TONSL: variants seen among roughly 807,000 people sequenced by gnomAD.
TONSL encodes the protein tonsoku-like protein.
Under a neutral mutation model 147.1 loss-of-function variants are expected in TONSL, and 112 were observed. That is an observed-to-expected ratio of 0.76 (90% CI 0.65 to 0.89). The LOEUF (loss-of-function observed/expected upper bound fraction) is 0.89, where lower values mean the gene tolerates loss of function less well. Among genes scored for constraint, TONSL ranks in the 40% least tolerant of loss-of-function variants. The pLI is 0.00. For missense variants in TONSL, 1,883 were observed against 1,864.6 expected (o/e 1.01, Z -0.18); for synonymous variants, 868 against 801.5 (o/e 1.08, Z -1.40).
chr8:144,434,835 T>C lies in TONSL; in HGVS notation c.3061A>G (p.Arg1021Gly), dbSNP rs753804495. The C allele has an allele frequency of 1.8e-5, 29 of 1,613,382 alleles. No individual in the cohort carries two copies. The East Asian group carries it at 5.6e-4, about 31-fold the overall frequency. The change falls in exon 20 of 26, where the codon AGG (arginine) becomes GGG (glycine). Residue 1021 changes from arginine to glycine, a missense_variant. Physicochemically the swap from Arg to Gly is moderately radical, Grantham distance 125. Transcript: ENST00000409379. ...DLPPLTDRYR[R>G]ACQSLGQGEH... Reference sequence around the variant, plus strand: ...CCTTGCCCCAGGCTCTGGCAGGCCCTGCGGTAGCGGTCAGTCAACGGGGGC... The same window carrying C: ...CCTTGCCCCAGGCTCTGGCAGGCCCCGCGGTAGCGGTCAGTCAACGGGGGC...
intron 8 of TONSL, 25 bp from the exon 9 acceptor site, chr8:144,440,895 G>C: frequency 1.9e-6 from 3 of 1,612,538 alleles, no homozygotes; most frequent in Non-Finnish European, 2.5e-6. Flanking sequence ...AGTGAGGCCA[G>C]GGGCTGCCAC....
Position 144,444,002 on chromosome 8 carries a change from C to T in TONSL, c.144G>A (p.Glu48=), listed in dbSNP as rs1823814581. 5 of 1,538,380 alleles carry T rather than the reference C, an allele frequency of 3.3e-6. No homozygotes were observed. Among genetic ancestry groups the T allele is most frequent in the Admixed American group, 2.0e-5 (1 of 50,968 alleles). Residue 48 remains glutamate (E), a synonymous_variant, in exon 3 of 26, where the codon GAG becomes GAA. Transcript: ENST00000409379. ...GAAGCTGCAGCTCCTGCCAGTGCTG[C>T]TCCAGAGCCTCGGCGTAGCGGCCTA... ...AGHGRYAEAL[E]QHWQELQLRE... is the part of the protein sequence containing the mutation.
At chr8:144,437,898 A>AC (rs1415136241) in intron 13 of TONSL, among the ~76,000 whole-genome samples, 1 of 151,966 alleles carries the variant, frequency 6.6e-6, no homozygotes, top group Non-Finnish European at 1.5e-5. Context: ...AAGCCACTGT[A>AC]CCCGGCCTGT....
At position 144,443,068 on chromosome 8, in the gene TONSL, C is replaced by T. The variant is rs1376098700; in HGVS notation, c.448+70G>A. On this transcript the variant is annotated intron_variant, in intron 4 of 25. Transcript: ENST00000409379. ...AAGACGGGATTGCCCAAGGAGGCTG[C>T]GGGGGTGCTGGGCTGCAGCCTCTTC... The T allele has an allele frequency of 1.6e-5, 24 of 1,495,202 alleles. 1 individual carries two copies. The highest frequency in any genetic ancestry group is 3.5e-4 in the Middle Eastern group (2 of 5,776). The allele number at this position is 1,495,202 out of a possible 1,614,324, so 92.6% of individuals were successfully genotyped here. A position where few individuals can be genotyped will look rare whatever the true frequency, so the allele number is the denominator to read the frequency against.
At chr8:144,435,197 C>CTGT in intron 18 of TONSL, 27 bp from the exon 19 acceptor site, 1 of 1,480,716 alleles carries the variant, frequency 6.8e-7, no homozygotes, top group South Asian at 1.3e-5. Flanking sequence ...GCTGCTGCTG[C>CTGT]TGCCTGCACA....
chr8:144,441,287 GAACT>G lies in TONSL; in HGVS notation c.866-180_866-177del, dbSNP rs551826113. ...TGGGGACTGGTCTCAAGGGTCACAAGAACTAACACACTTAAAAACTCGGGGCCAG... is the reference window on the plus strand; with the variant it reads ...TGGGGACTGGTCTCAAGGGTCACAAGAACACACTTAAAAACTCGGGGCCAG... On this transcript the variant is annotated intron_variant, in intron 7 of 25. Transcript: ENST00000409379. 2.6e-4 allele frequency: 231 copies of G among 901,486 alleles called. No individual in the cohort carries two copies. In the African/African-American group the frequency reaches 3.5e-3, roughly 14 times the overall value. The allele number at this position is 901,486 out of a possible 1,614,324, so 55.8% of individuals were successfully genotyped here.
chr8:144,433,919 T>C (rs1823325735), intron 21 of TONSL, 59 bp downstream of exon 21: 1 of 1,502,290 alleles, frequency 6.7e-7, no homozygotes, highest in Non-Finnish European at 8.9e-7. Flanking sequence ...CCCAGGGACC[T>C]GCAGAATGGG....
At chr8:144,439,535 C>T (rs1397300184) in intron 11 of TONSL, among the ~76,000 whole-genome samples, 2 of 152,310 alleles carry the variant, frequency 1.3e-5, no homozygotes, top group Admixed American at 6.5e-5. Context: ...CCCAGCTACC[C>T]GCTAACCCCG....
intron 16 of TONSL, 48 bp downstream of exon 16, chr8:144,436,510 T>C (rs749469894): frequency 6.3e-7 from 1 of 1,588,402 alleles, no homozygotes; most frequent in Admixed American, 1.7e-5. Context: ...GCCCGGGGAC[T>C]CTCAGCGTAG....
rs1243771667 is a variant in TONSL, at chr8:144,436,435, G to A, written c.2015-17C>T. The A allele has an allele frequency of 6.6e-7, 1 of 1,523,640 alleles. No homozygotes were observed. Among genetic ancestry groups the A allele is most frequent in the South Asian group, 1.2e-5 (1 of 80,190 alleles). 94.4% of individuals were successfully genotyped at this position (1,523,640 alleles called of 1,614,324 possible). On this transcript the variant is annotated splice_polypyrimidine_tract_variant and intron_variant, in intron 16 of 25. Coordinates refer to ENST00000409379, the MANE Select transcript of TONSL (RefSeq NM_013432.5). ...TGTGGGGATCTGTGGGAGAGAGAAT[G>A]CGTGTTGAGGCAGGGGCCCGGCACC...
Position 144,436,670 on chromosome 8 carries a change from C to A in TONSL, c.1902G>T (p.Pro634=), listed in dbSNP as rs747855364. 2 of 1,611,970 alleles carry A rather than the reference C, an allele frequency of 1.2e-6. No homozygotes were observed. The highest frequency in any genetic ancestry group is 1.1e-5 in the South Asian group (1 of 91,084). ...TCACCCACTGCTGCAGCGTCTCCAG[C>A]GGGCTGAGGCCCTGTGTGGCATCAG... ...VTLRTRKGLS[P]LETLQQWVKL... is the part of the protein sequence containing the mutation. Residue 634 remains proline (P), a synonymous_variant, in exon 16 of 26, where the codon CCG becomes CCT. Transcript: ENST00000409379.
chr8:144,444,151 G>A, intron 2 of TONSL, 29 bp downstream of exon 2: 1 of 1,401,076 alleles, frequency 7.1e-7, no homozygotes, highest in Admixed American at 2.9e-5. Flanking sequence ...CCCCGGCCCT[G>A]CCTCCCGCCT....
rs775212682 is a variant in TONSL, at chr8:144,435,080, C to G, written c.2943G>C (p.Arg981=). 1 of 1,609,438 alleles carries G rather than the reference C, an allele frequency of 6.2e-7. No homozygotes were observed. The highest frequency in any genetic ancestry group is 8.5e-7 in the Non-Finnish European group (1 of 1,178,446). The stretch of plus-strand genomic sequence containing the variant: ...GTGGGGCCAGCAGGGCCCCCTCTTT[C>G]CGTAGGGTGAGCCTGGGCAGCAGCC... ...TCGLLPRLTL[R]KEGALLAPQD... is the part of the protein sequence containing the mutation. The change falls in exon 19 of 26, where the codon CGG becomes CGC. Residue 981 remains arginine, a synonymous_variant. Transcript: ENST00000409379.
chr8:144,431,192 C>A lies in TONSL; in HGVS notation c.3736-41G>T, dbSNP rs368544341. On this transcript the variant is annotated intron_variant, in intron 23 of 25. Transcript: ENST00000409379. The stretch of plus-strand genomic sequence containing the variant: ...GGCCCAAGGGGGCCAAACGGAGTGG[C>A]GCACCTGCCCTGCCTGCTTCCCAGC... 5 of 1,599,420 alleles carry A rather than the reference C, an allele frequency of 3.1e-6. No individual in the cohort carries two copies. The East Asian group carries it at 1.1e-4, about 36-fold the overall frequency.
At chr8:144,438,185 G>A (rs1823551463) in intron 13 of TONSL, 1 of 498,386 alleles carries the variant, frequency 2.0e-6, no homozygotes. Flanking sequence ...ACAGGCATAA[G>A]CCACCCCGTG....
At chr8:144,439,104 C>A (rs566254306) in intron 11 of TONSL, among the ~76,000 whole-genome samples, 1 of 152,238 alleles carries the variant, frequency 6.6e-6, no homozygotes, top group East Asian at 1.9e-4. Context: ...TCCTCCACCC[C>A]ACGCCTTATC....
At chr8:144,430,361 A>G in intron 25 of TONSL, 43 bp downstream of exon 25, 4 of 1,517,896 alleles carry the variant, frequency 2.6e-6, no homozygotes, top group Non-Finnish European at 3.5e-6. Flanking sequence ...AGGTCCCTGA[A>G]AAGGCCGAAC....
chr8:144,435,362 C>T, intron 18 of TONSL, 112 bp downstream of exon 18: 2 of 1,257,044 alleles, frequency 1.6e-6, no homozygotes, highest in Non-Finnish European at 1.1e-6. Context: ...CAGGATCCTC[C>T]TGGAACACAC....
chr8:144,430,983 A>C, intron 24 of TONSL, 95 bp downstream of exon 24: 2 of 1,396,646 alleles, frequency 1.4e-6, no homozygotes, highest in Non-Finnish European at 2.0e-6. Context: ...GCTGGGGAGG[A>C]GGAGCTGGTA....
Sources: gnomAD v4.1 joint callset for allele counts (sites outside exome capture counted in the v4.1 genomes callset) on GRCh38, gnomAD v4.1.1 for gene constraint, MANE v1.5 for transcripts, NCBI Gene and HGNC (gene_info 2026-07-23, HGNC 2026-07-21) for gene names.